Variants in LRRC4B observed in about 807,000 individuals in gnomAD.
LRRC4B encodes the protein leucine-rich repeat-containing protein 4B.
LRRC4B carries 1 observed loss-of-function variant against 7.3 expected under a neutral mutation model. The ratio of observed to expected loss-of-function variants is 0.14; its 90% confidence interval spans 0.05 to 0.65. LRRC4B has a LOEUF of 0.65. Among genes scored for constraint, LRRC4B ranks in the 30% least tolerant of loss-of-function variants. The pLI is 0.84. For synonymous variants in LRRC4B, 500 were observed against 499.2 expected, an observed-to-expected ratio of 1.00 and a Z score of -0.02; for missense variants, 730 against 1,041.6, an observed-to-expected ratio of 0.70 and a Z score of 4.12.
Position 50,556,823 on chromosome 19 carries a change from G to C in LRRC4B, c.-35-7950C>G, listed in dbSNP as rs1054413713. On this transcript the variant is annotated intron_variant, in intron 1 of 2. Coordinates refer to ENST00000652263, the MANE Select transcript of LRRC4B (RefSeq NM_001080457.2). The surrounding 1 kb of genome is among the most constrained non-coding windows in gnomAD (Gnocchi z 4.2). ...CCTGGGTCTCTAGGGAGGCAAGTGT[G>C]GGGGTGGGGGAGCCGTCCGAGGGCT... Among the ~76,000 whole-genome samples, 8 of 152,136 alleles carry C rather than the reference G, an allele frequency of 5.3e-5. No homozygotes were observed. The highest frequency in any genetic ancestry group is 1.7e-4 in the African/African-American group (7 of 41,430).
intron 2 of LRRC4B, among the ~76,000 whole-genome samples, chr19:50,536,961 G>A (rs191000700): frequency 9.9e-5 from 15 of 152,220 alleles, no homozygotes; most frequent in African/African-American, 3.6e-4. Flanking sequence ...TTGGTGTGGC[G>A]ACTCCAGCTG....
intron 2 of LRRC4B, among the ~76,000 whole-genome samples, chr19:50,538,585 T>C (rs1399262304): frequency 8.5e-6 from 1 of 117,572 alleles, no homozygotes; most frequent in African/African-American, 3.9e-5. Context: ...TTTTTTTTTT[T>C]TGAGACAGAG....
At chr19:50,551,550 C>T (rs781720641) in intron 1 of LRRC4B, among the ~76,000 whole-genome samples, 1 of 136,842 alleles carries the variant, frequency 7.3e-6, no homozygotes, top group Non-Finnish European at 1.6e-5. Flanking sequence ...CTGCCCCTCT[C>T]GGTCCTCCCC....
At chr19:50,530,536 T>C (rs547437807) in intron 2 of LRRC4B, among the ~76,000 whole-genome samples, 3 of 152,154 alleles carry the variant, frequency 2.0e-5, no homozygotes, top group Non-Finnish European at 2.9e-5. Flanking sequence ...CCATTGCTTA[T>C]TGATTGAATG....
At chr19:50,524,411 A>G (rs1266152798) in intron 2 of LRRC4B, among the ~76,000 whole-genome samples, 1 of 152,018 alleles carries the variant, frequency 6.6e-6, no homozygotes, top group Non-Finnish European at 1.5e-5. Context: ...ACACCTGGCT[A>G]ATTTTATTTT....
intron 2 of LRRC4B, among the ~76,000 whole-genome samples, chr19:50,539,384 A>G (rs1981444171): frequency 6.6e-6 from 1 of 152,090 alleles, no homozygotes; most frequent in South Asian, 2.1e-4. Flanking sequence ...CCACGTCCAT[A>G]AGATGGGAGA....
chr19:50,536,122 G>C (rs963325138), intron 2 of LRRC4B, among the ~76,000 whole-genome samples: 3 of 149,628 alleles, frequency 2.0e-5, no homozygotes, highest in African/African-American at 7.6e-5. Flanking sequence ...GCTGCTACTG[G>C]ACTTGTTTAC....
intron 2 of LRRC4B, among the ~76,000 whole-genome samples, chr19:50,544,506 CAA>C (rs200624838): frequency 2.8e-3 from 355 of 126,160 alleles, no homozygotes; most frequent in Non-Finnish European, 3.8e-3. Flanking sequence ...GACTCCGTCT[CAA>C]AAAAAAAAAA....
At position 50,518,609 on chromosome 19, in the gene LRRC4B, C is replaced by T. The variant is rs1301129919; in HGVS notation, c.1104G>A (p.Glu368=). ...HFTCYAPVIV[E]PPTDLNVTEG... ...CGGTGACGTTGAGGTCCGTGGGCGG[C>T]TCCACGATGACGGGCGCATAGCAGG... The change falls in exon 3 of 3, where the codon GAG becomes GAA. Residue 368 remains glutamate (E), a synonymous_variant. Coordinates refer to ENST00000652263, the MANE Select transcript of LRRC4B (RefSeq NM_001080457.2). 4 of 1,601,784 alleles carry T rather than the reference C, an allele frequency of 2.5e-6. No homozygotes were observed. The highest frequency in any genetic ancestry group is 2.2e-5 in the East Asian group (1 of 44,636).
intron 1 of LRRC4B, among the ~76,000 whole-genome samples, chr19:50,552,616 CCATCCATCCATT>C (rs1982119833): frequency 8.0e-6 from 1 of 124,764 alleles, no homozygotes; most frequent in Admixed American, 7.9e-5. Flanking sequence ...ATCCATCCAT[CCATCCATCCATT>C]CATCCATCCG....
chr19:50,548,301 C>T lies in LRRC4B; in HGVS notation c.297+241G>A, dbSNP rs1981897644. ...CCGGGGGGGCTGGGCAGGTGGCCTG[C>T]ACTTGGGCCCCGACACGGTGGCTCA... On this transcript the variant is annotated intron_variant, in intron 2 of 2. Transcript: ENST00000652263. The surrounding 1 kb of genome is among the most constrained non-coding windows in gnomAD (Gnocchi z 6.8). Among the ~76,000 whole-genome samples, 1 of 152,246 alleles carries T rather than the reference C, an allele frequency of 6.6e-6. No homozygotes were observed. Among genetic ancestry groups the T allele is most frequent in the African/African-American group, 2.4e-5 (1 of 41,476 alleles).
Position 50,537,179 on chromosome 19 carries a change from A to T in LRRC4B, c.297+11363T>A, listed in dbSNP as rs893961839. ...GAAGCATTACGAATCGCGTTGAAAA[A>T]ACCAAGTTCTGCAGCCAGCCTGCCT... On this transcript the variant is annotated intron_variant, in intron 2 of 2. Transcript: ENST00000652263. This position sits in a 1 kb window ranked among gnomAD's most constrained non-coding sequence, Gnocchi z 5.5. Among the ~76,000 whole-genome samples, 1 of 152,102 alleles carries T rather than the reference A, an allele frequency of 6.6e-6. No individual in the cohort carries two copies. Among genetic ancestry groups the T allele is most frequent in the East Asian group, 1.9e-4 (1 of 5,192 alleles).
At chr19:50,558,200 TACACAC>T (rs71182737) in intron 1 of LRRC4B, among the ~76,000 whole-genome samples, 19 of 147,700 alleles carry the variant, frequency 1.3e-4, no homozygotes, top group East Asian at 1.2e-3. Context: ...ACTGTATACA[TACACAC>T]ACACACACAC....
chr19:50,522,652 AT>A (rs1980635195), intron 2 of LRRC4B, among the ~76,000 whole-genome samples: 1 of 151,550 alleles, frequency 6.6e-6, no homozygotes, highest in African/African-American at 2.4e-5. Context: ...AATTTTTTGT[AT>A]TTTTAGTAGA....
rs756583133 is a variant in LRRC4B, at chr19:50,548,707, C to T, written c.132G>A (p.Thr44=). ...GCGGGGAGCCCCCTCCGGCGGCAGA[C>T]GTCACGGCCACTCCACCTCCACCGG... ...LGAGGGGVAV[T]SAAGGGSPPA... Residue 44 remains threonine, a synonymous_variant, in exon 2 of 3, where the codon ACG becomes ACA. Coordinates refer to ENST00000652263, the MANE Select transcript of LRRC4B (RefSeq NM_001080457.2). This position sits in a 1 kb window ranked among gnomAD's most constrained non-coding sequence, Gnocchi z 6.8. 49 of 1,543,254 alleles carry T rather than the reference C, an allele frequency of 3.2e-5. No individual in the cohort carries two copies. Among genetic ancestry groups the T allele is most frequent in the South Asian group, 4.7e-5 (4 of 84,294 alleles).
intron 1 of LRRC4B, among the ~76,000 whole-genome samples, chr19:50,565,246 T>C (rs983586825): frequency 6.6e-6 from 1 of 152,184 alleles, no homozygotes; most frequent in African/African-American, 2.4e-5. Flanking sequence ...TCTCTGTAGC[T>C]CTGGGGCCAC....
chr19:50,552,377 G>A (rs181471343), intron 1 of LRRC4B, among the ~76,000 whole-genome samples: 28 of 151,992 alleles, frequency 1.8e-4, no homozygotes, highest in South Asian at 6.2e-4. Flanking sequence ...GCCCTGCACC[G>A]TCACCCCGTC....
intron 2 of LRRC4B, among the ~76,000 whole-genome samples, chr19:50,531,970 C>T (rs1324613546): frequency 6.6e-6 from 1 of 152,144 alleles, no homozygotes; most frequent in Non-Finnish European, 1.5e-5. Flanking sequence ...CGCCAGTAAT[C>T]CCAGCACTTT....
chr19:50,549,108 C>A (rs1981944823), intron 1 of LRRC4B, among the ~76,000 whole-genome samples: 1 of 152,206 alleles, frequency 6.6e-6, no homozygotes, highest in Admixed American at 6.5e-5. Flanking sequence ...TGGCAAGATT[C>A]TACGCCCATT....
Sources: allele counts gnomAD v4.1 joint callset (sites outside exome capture counted in the v4.1 genomes callset), GRCh38; gene constraint gnomAD v4.1.1; non-coding constraint Gnocchi (gnomAD v3.1); transcripts MANE v1.5; gene names NCBI Gene and HGNC (gene_info 2026-07-23, HGNC 2026-07-21).